MSANTD2: variants seen among roughly 807,000 people sequenced by gnomAD.
MSANTD2 encodes the protein myb/SANT-like DNA-binding domain-containing protein 2.
Under a neutral mutation model 52.6 loss-of-function variants are expected in MSANTD2, and 19 were observed. The observed-to-expected ratio is 0.36, with a 90% CI of 0.25 to 0.53. MSANTD2 has a LOEUF of 0.53. Among genes scored for constraint, MSANTD2 ranks in the 20% least tolerant of loss-of-function variants. MSANTD2 has a pLI of 0.91. For missense variants in MSANTD2, 558 were observed against 716.3 expected (o/e 0.78, Z 2.52); for synonymous variants, 291 against 289.7 (o/e 1.00, Z -0.04).
rs11281892 is a variant in MSANTD2 at position 124,774,331 on chromosome 11, A to AGTCAT, written c.766+387_766+388insATGAC. ...CAACATCTACAGCAGTTGGGCCAAG[A>AGTCAT]TATCTTAGCAGTCATCTTAGAACTA... On this transcript the variant is annotated intron_variant, in intron 2 of 3. Transcript: ENST00000374979. This position sits in a 1 kb window ranked among gnomAD's most constrained non-coding sequence, Gnocchi z 5.1. Among the ~76,000 whole-genome samples, 49,028 of 151,772 alleles carry AGTCAT rather than the reference A, an allele frequency of 0.32. 11,941 individuals are homozygous for AGTCAT. Among genetic ancestry groups the AGTCAT allele is most frequent in the African/African-American group, 0.69 (28,530 of 41,178 alleles).
At chr11:124,772,440 G>C (rs564506353) in intron 3 of MSANTD2, among the ~76,000 whole-genome samples, 65 of 152,304 alleles carry the variant, frequency 4.3e-4, no homozygotes, top group African/African-American at 1.5e-3. Context: ...AGATACGAAA[G>C]AACGTATAGA....
At chr11:124,784,432 C>T (rs1945090656) in intron 1 of MSANTD2, 1 of 985,272 alleles carries the variant, frequency 1.0e-6, no homozygotes, top group East Asian at 1.1e-4. Flanking sequence ...CTCCCAAACA[C>T]CCTCCACTAC....
At chr11:124,788,962 T>C (rs985295414) in intron 1 of MSANTD2, among the ~76,000 whole-genome samples, 2 of 152,230 alleles carry the variant, frequency 1.3e-5, no homozygotes, top group Non-Finnish European at 2.9e-5. Context: ...TATCACATTA[T>C]TTTCTACCAA....
chr11:124,795,426 C>T (rs974573500), intron 1 of MSANTD2, among the ~76,000 whole-genome samples: 1 of 152,214 alleles, frequency 6.6e-6, no homozygotes, highest in African/African-American at 2.4e-5. Context: ...CAGCATCTGG[C>T]TCAGAGTGAA....
intron 3 of MSANTD2, among the ~76,000 whole-genome samples, chr11:124,772,742 CAAAAAAAAAAAAAA>C (rs57859579): frequency 8.6e-5 from 5 of 57,926 alleles, no homozygotes; most frequent in South Asian, 8.7e-4. Context: ...GATTCCGTCT[CAAAAAAAAAAAAAA>C]AAAAAAAAAA....
At chr11:124,788,762 A>G (rs568591425) in intron 1 of MSANTD2, among the ~76,000 whole-genome samples, 10 of 152,316 alleles carry the variant, frequency 6.6e-5, no homozygotes, top group South Asian at 6.2e-4. Context: ...ACAAACCTCA[A>G]TGACAACTGG....
chr11:124,798,635 C>A (rs1358518079), intron 1 of MSANTD2, among the ~76,000 whole-genome samples: 1 of 152,150 alleles, frequency 6.6e-6, no homozygotes, highest in East Asian at 1.9e-4. Context: ...GCAACAACAT[C>A]CCCAAAGAAA....
At chr11:124,783,721 T>C in intron 1 of MSANTD2, 16 of 985,166 alleles carry the variant, frequency 1.6e-5, no homozygotes, top group Non-Finnish European at 1.9e-5. Context: ...TTCTAAGTTT[T>C]CTAGGTTCCT....
intron 1 of MSANTD2, chr11:124,791,520 A>G: frequency 8.9e-7 from 1 of 1,118,738 alleles, no homozygotes; most frequent in South Asian, 1.3e-5. Context: ...GAGAAGGGAT[A>G]AATGAAACGA....
chr11:124,767,557 C>A lies in MSANTD2; in HGVS notation c.1299G>T (p.Arg433Ser). 1 of 1,614,114 alleles carries A rather than the reference C, an allele frequency of 6.2e-7. No individual in the cohort carries two copies. Among genetic ancestry groups the A allele is most frequent in the Non-Finnish European group, 8.5e-7 (1 of 1,180,010 alleles). The change falls in exon 4 of 4, where the codon AGG becomes AGT. Residue 433 changes from arginine to serine, a missense_variant. Arg to Ser is a moderately radical substitution (Grantham distance 110). Transcript: ENST00000374979. This position sits in a 1 kb window ranked among gnomAD's most constrained non-coding sequence, Gnocchi z 6.5. Reference sequence around the variant, plus strand: ...TTTGCTCCATGTGTGGTGAGAGGGGCCTCTCAATACATTCTTCATAGCCAA... The same window carrying A: ...TTTGCTCCATGTGTGGTGAGAGGGGACTCTCAATACATTCTTCATAGCCAA... ...YAIGYEECIE[R>S]PLSPHMEQSS...
chr11:124,770,375 T>C (rs12283429), intron 3 of MSANTD2, among the ~76,000 whole-genome samples: 44,139 of 151,210 alleles, frequency 0.29, 9,067 homozygotes, highest in African/African-American at 0.59. Flanking sequence ...CATGACTCAC[T>C]GGAGCTTTGA....
chr11:124,781,593 TG>T (rs1181955621), intron 1 of MSANTD2, among the ~76,000 whole-genome samples: 2 of 151,962 alleles, frequency 1.3e-5, no homozygotes, highest in African/African-American at 4.8e-5. Context: ...CTCAACCCAA[TG>T]GGATCACAGT....
At chr11:124,782,581 G>A (rs1311477151) in intron 1 of MSANTD2, among the ~76,000 whole-genome samples, 1 of 152,164 alleles carries the variant, frequency 6.6e-6, no homozygotes, top group Non-Finnish European at 1.5e-5. Flanking sequence ...TCCTTTAAGA[G>A]GAGTTTGGCA....
chr11:124,784,548 A>T (rs528542017), intron 1 of MSANTD2: 480 of 985,222 alleles, frequency 4.9e-4, no homozygotes, highest in Non-Finnish European at 5.6e-4. Flanking sequence ...TTGCTTCCCA[A>T]ATACGAAGGT....
At chr11:124,772,465 C>A (rs767217458) in intron 3 of MSANTD2, among the ~76,000 whole-genome samples, 2 of 152,100 alleles carry the variant, frequency 1.3e-5, no homozygotes, top group African/African-American at 2.4e-5. Context: ...TGGCTGGGTG[C>A]GGTGGCTCGC....
intron 3 of MSANTD2, among the ~76,000 whole-genome samples, chr11:124,770,780 G>GTTTTT (rs1054956993): frequency 1.5e-5 from 2 of 132,206 alleles, no homozygotes; most frequent in Non-Finnish European, 1.6e-5. Flanking sequence ...TAATTTTTTG[G>GTTTTT]TTTTTTTTTT....
intron 1 of MSANTD2, among the ~76,000 whole-genome samples, chr11:124,798,990 G>A (rs1379928097): frequency 6.6e-6 from 1 of 152,160 alleles, no homozygotes; most frequent in African/African-American, 2.4e-5. Flanking sequence ...GTCAGTTCTA[G>A]TAGCAAAATC....
chr11:124,789,727 C>G (rs1945270701), intron 1 of MSANTD2: 1 of 152,106 alleles, frequency 6.6e-6, no homozygotes, highest in Non-Finnish European at 1.5e-5. Context: ...TTTTCCACAG[C>G]AGACATCTTT....
intron 1 of MSANTD2, among the ~76,000 whole-genome samples, chr11:124,795,080 C>T (rs613146): frequency 0.96 from 146,127 of 152,232 alleles, 70,205 homozygotes; most frequent in East Asian, 1. Context: ...GGTGTCACCA[C>T]GTTGTCCACG....
Sources: gnomAD v4.1 joint callset for allele counts (sites outside exome capture counted in the v4.1 genomes callset) on GRCh38, gnomAD v4.1.1 for gene constraint, Gnocchi (gnomAD v3.1) non-coding constraint, MANE v1.5 for transcripts, NCBI Gene and HGNC (gene_info 2026-07-23, HGNC 2026-07-21) for gene names.